Variants in CHL1 observed in about 807,000 individuals in gnomAD.
CHL1 encodes cell adhesion molecule L1 like, also known as neural cell adhesion molecule L1-like protein.
CHL1 carries 96 observed loss-of-function variants against 141.9 expected under a neutral mutation model. That is an observed-to-expected ratio of 0.68 (90% CI 0.57 to 0.80). CHL1 has a LOEUF of 0.80. Among genes scored for constraint, CHL1 ranks in the 30% least tolerant of loss-of-function variants. CHL1 has a pLI of 0.00. For synonymous variants in CHL1, 613 were observed against 502.2 expected (o/e 1.22, Z -2.95); for missense variants, 1,820 against 1,457.2 (o/e 1.25, Z -4.05).
chr3:366,128 T>C lies in CHL1; in HGVS notation c.1751+13T>C. The C allele has an allele frequency of 6.2e-7, 1 of 1,609,588 alleles. No homozygotes were observed. Among genetic ancestry groups the C allele is most frequent in the East Asian group, 2.2e-5 (1 of 44,828 alleles). On this transcript the variant is annotated intron_variant, in intron 15 of 27. Coordinates refer to ENST00000256509, the MANE Select transcript of CHL1 (RefSeq NM_006614.4). ...CAGAAGATGGCAGGTAGGTAAACTA[T>C]TATGATATGTCATAATATTTGCTTG...
At chr3:375,674 C>T (rs1706223717) in intron 15 of CHL1, among the ~76,000 whole-genome samples, 1 of 152,074 alleles carries the variant, frequency 6.6e-6, no homozygotes, top group Non-Finnish European at 1.5e-5. Context: ...GTAACACTCT[C>T]TGAGCACATA....
chr3:229,149 C>T (rs1701643548), intron 1 of CHL1, among the ~76,000 whole-genome samples: 1 of 152,140 alleles, frequency 6.6e-6, no homozygotes, highest in African/African-American at 2.4e-5. Flanking sequence ...ACTCTGCTTT[C>T]TATTTTAAGG....
intron 2 of CHL1, among the ~76,000 whole-genome samples, chr3:266,942 A>G (rs1421241617): frequency 6.6e-6 from 1 of 152,204 alleles, no homozygotes; most frequent in African/African-American, 2.4e-5. Context: ...TTGAAATACT[A>G]GGAATCAAGT....
chr3:261,196 T>C (rs1055649270), intron 2 of CHL1, among the ~76,000 whole-genome samples: 2 of 152,158 alleles, frequency 1.3e-5, no homozygotes, highest in Admixed American at 6.6e-5. Context: ...AAAAATTACT[T>C]AGTGAAGCCA....
intron 2 of CHL1, among the ~76,000 whole-genome samples, chr3:256,107 A>AACATATTCTAAGCGAAGTAAGGCGGTT (rs1694134491): frequency 1.4e-5 from 2 of 142,236 alleles, no homozygotes; most frequent in East Asian, 3.9e-4. Flanking sequence ...CTTAGAGCTA[A>AACATATTCTAAGCGAAGTAAGGCGGTT]ACATATTCTA....
chr3:384,613 T>C (rs1707450260), intron 19 of CHL1: 1 of 152,208 alleles, frequency 6.6e-6, no homozygotes. Flanking sequence ...TCTGTAACAG[T>C]GGGGCATTTT....
Position 343,178 on chromosome 3 carries a change from C to T in CHL1, c.727+147C>T, listed in dbSNP as rs539244682. ...GAACTTAGAGGGTTCTATTGCCCCC[C>T]ATGCCCTCTTAAATATATGCAAAGG... On this transcript the variant is annotated intron_variant, in intron 8 of 27. Transcript: ENST00000256509. 5.5e-6 allele frequency: 3 copies of T among 549,742 alleles called. No homozygotes were observed. The Admixed American group carries it at 1.1e-4, about 21-fold the overall frequency. 34.1% of individuals were successfully genotyped at this position (549,742 alleles called of 1,614,324 possible). A position where few individuals can be genotyped will look rare whatever the true frequency, so the allele number is the denominator to read the frequency against.
At chr3:246,554 A>G (rs2125119020) in intron 2 of CHL1, 2 of 152,064 alleles carry the variant, frequency 1.3e-5, no homozygotes, top group Middle Eastern at 6.8e-3. Context: ...CCTAATCTTC[A>G]TTTTTCTTTT....
rs1421103655 is a variant in CHL1 at position 267,294 on chromosome 3, G to A, written c.-95+22602G>A. On this transcript the variant is annotated intron_variant, in intron 2 of 27. Coordinates refer to ENST00000256509, the MANE Select transcript of CHL1 (RefSeq NM_006614.4). ...CTCACCATCATTTCCCTGGTGACCTGTGGGCACAGAATTTAATGAGAATTT... is the reference window on the plus strand; with the variant it reads ...CTCACCATCATTTCCCTGGTGACCTATGGGCACAGAATTTAATGAGAATTT... Among the ~76,000 whole-genome samples the A allele has an allele frequency of 2.6e-5, 4 of 152,200 alleles. No homozygotes were observed. In the South Asian group the frequency reaches 6.2e-4, roughly 24 times the overall value.
Position 381,927 on chromosome 3 carries a change from C to T in CHL1, c.1877-252C>T, listed in dbSNP as rs577141307. ...ATCCCTGTGATTCCAGCTTCCTTGGCTATTGTTTAAAGCTACTATTACCTC... is the reference window on the plus strand; with the variant it reads ...ATCCCTGTGATTCCAGCTTCCTTGGTTATTGTTTAAAGCTACTATTACCTC... On this transcript the variant is annotated intron_variant, in intron 16 of 27. Coordinates refer to ENST00000256509, the MANE Select transcript of CHL1 (RefSeq NM_006614.4). 7.1e-4 allele frequency among the ~76,000 whole-genome samples: 108 copies of T among 151,908 alleles called. 2 individuals carry two copies. In the Middle Eastern group the frequency reaches 0.01, roughly 14 times the overall value.
intron 2 of CHL1, among the ~76,000 whole-genome samples, chr3:284,200 T>A (rs1460583968): frequency 1.3e-5 from 2 of 151,964 alleles, no homozygotes; most frequent in African/African-American, 4.8e-5. Context: ...AGGCAGGAAG[T>A]TATAAGGGAA....
chr3:401,269 A>T (rs759498135), intron 26 of CHL1, among the ~76,000 whole-genome samples: 1 of 152,226 alleles, frequency 6.6e-6, no homozygotes, highest in Admixed American at 6.5e-5. Flanking sequence ...GACATCTTCA[A>T]AAAGTTCAGA....
At chr3:255,244 TG>T (rs1337337424) in intron 2 of CHL1, among the ~76,000 whole-genome samples, 1 of 152,208 alleles carries the variant, frequency 6.6e-6, no homozygotes, top group East Asian at 1.9e-4. Flanking sequence ...GTTAGTCAGT[TG>T]TTTGTAGTTA....
At position 301,449 on chromosome 3, in the gene CHL1, C is replaced by T. The variant is rs190219844; in HGVS notation, c.-94-18234C>T. ...CTACTGGCTGTTCTGACCCAATAAA[C>T]AAGCAAAAGTGACTTGTTAGAGCCA... On this transcript the variant is annotated intron_variant, in intron 2 of 27. Transcript: ENST00000256509. Among the ~76,000 whole-genome samples, 323 of 152,286 alleles carry T rather than the reference C, an allele frequency of 2.1e-3. 1 individual carries two copies. The highest frequency in any genetic ancestry group is 7.4e-3 in the African/African-American group (309 of 41,566).
intron 5 of CHL1, among the ~76,000 whole-genome samples, chr3:329,356 A>T (rs1430521395): frequency 6.6e-6 from 1 of 152,014 alleles, no homozygotes; most frequent in Admixed American, 6.6e-5. Context: ...GAATGGCCAC[A>T]AACTTCAGAA....
chr3:270,490 A>G lies in CHL1; in HGVS notation c.-95+25798A>G, dbSNP rs552766199. 6.6e-5 allele frequency among the ~76,000 whole-genome samples: 10 copies of G among 152,282 alleles called. No individual in the cohort carries two copies. In the East Asian group the frequency reaches 1.9e-3, roughly 29 times the overall value. ...GGAAGCACTGTCATTGACAGATCCC[A>G]GGTGTAGGCAGAAAGGGCAGGGGAT... On this transcript the variant is annotated intron_variant, in intron 2 of 27. Transcript: ENST00000256509.
At chr3:385,471 T>C (rs532526529) in intron 19 of CHL1, among the ~76,000 whole-genome samples, 1 of 152,286 alleles carries the variant, frequency 6.6e-6, no homozygotes, top group East Asian at 1.9e-4. Flanking sequence ...TCATTTTTTA[T>C]TACCCCAAAG....
intron 15 of CHL1, chr3:376,470 C>G (rs1706340199): frequency 2.0e-6 from 1 of 498,800 alleles, no homozygotes; most frequent in Admixed American, 2.1e-5. Context: ...AGTGAGGCAC[C>G]CAACGTTGAT....
At chr3:261,455 T>C (rs373665224) in intron 2 of CHL1, among the ~76,000 whole-genome samples, 7 of 152,138 alleles carry the variant, frequency 4.6e-5, no homozygotes, top group African/African-American at 1.7e-4. Flanking sequence ...ATAAGGCCAG[T>C]TGCTACTTAA....
Sources: allele counts gnomAD v4.1 joint callset (sites outside exome capture counted in the v4.1 genomes callset), GRCh38; gene constraint gnomAD v4.1.1; transcripts MANE v1.5; gene names NCBI Gene and HGNC (gene_info 2026-07-23, HGNC 2026-07-21).